SAMD10: variants seen among roughly 807,000 people sequenced by gnomAD.
SAMD10 encodes the protein sterile alpha motif domain-containing protein 10.
In SAMD10, 16 loss-of-function variants were observed where a neutral mutation model predicts 22.5. The ratio of observed to expected loss-of-function variants is 0.71; its 90% CI spans 0.48 to 1.08. The LOEUF is 1.08. SAMD10 is among the 50% of genes least tolerant of loss of function. The pLI, the probability that SAMD10 is intolerant of heterozygous loss-of-function variation, is 0.00. For synonymous variants in SAMD10, 118 were observed against 122.2 expected (o/e 0.97, Z 0.23); for missense variants, 227 against 281.3 (o/e 0.81, Z 1.38).
In SAMD10 at chr20:63,975,183, A is replaced by G. The variant is rs2059012966; in HGVS notation, c.*327T>C. 1.2e-5 allele frequency: 5 copies of G among 432,916 alleles called. No homozygotes were observed. The highest frequency in any genetic ancestry group is 5.4e-5 in the South Asian group (2 of 37,312). 26.8% of individuals were successfully genotyped at this position (432,916 alleles called of 1,614,324 possible). A position where few individuals can be genotyped will look rare whatever the true frequency, so the allele number is the denominator to read the frequency against. On this transcript the variant is annotated 3_prime_UTR_variant, in exon 5 of 5. Coordinates refer to ENST00000369886, the MANE Select transcript of SAMD10 (RefSeq NM_080621.5). ...AATGTAAATAAACAGACTCCCTGGGAGTCTAGGGGGGACATCCAAACCGGT... is the reference window on the plus strand; with the variant it reads ...AATGTAAATAAACAGACTCCCTGGGGGTCTAGGGGGGACATCCAAACCGGT...
rs772408227 is a variant in SAMD10 at position 63,975,516 on chromosome 20, C to T, written c.603G>A (p.Met201Ile). ...GTTCAAGCCTCAGCAGCAGCTAGGA[C>T]ATTTTCCCGAAGGAAGCTGTGTGAT... is the stretch of plus-strand genomic sequence containing the variant. Reference protein sequence around the residue: ...QLLSQASFGKMS With the variant: ...QLLSQASFGKIS The change falls in exon 5 of 5, where the codon ATG (methionine) becomes ATA (isoleucine). Residue 201 changes from methionine to isoleucine, a missense_variant. Coordinates refer to ENST00000369886, the MANE Select transcript of SAMD10 (RefSeq NM_080621.5). 2 of 1,608,420 alleles carry T rather than the reference C, an allele frequency of 1.2e-6. No homozygotes were observed. Among genetic ancestry groups the T allele is most frequent in the Non-Finnish European group, 1.7e-6 (2 of 1,178,328 alleles).
upstream of SAMD10, chr20:63,979,815 G>T (rs2059052168): frequency 2.4e-6 from 1 of 423,296 alleles, no homozygotes; most frequent in African/African-American, 2.1e-5. This position sits in a 1 kb window ranked among gnomAD's most constrained non-coding sequence, Gnocchi z 7.7. Flanking sequence ...TGTGCGTGGG[G>T]GTGGGCTGAG....
intron 3 of SAMD10, 63 bp downstream of exon 3, chr20:63,976,908 T>G (rs550875669): frequency 7.5e-5 from 115 of 1,530,394 alleles, no homozygotes; most frequent in Admixed American, 7.3e-4. Flanking sequence ...AGGCTGAGTG[T>G]GGGGAAGAGA....
At chr20:63,976,311 C>A (rs1451670502) in intron 3 of SAMD10, among the ~76,000 whole-genome samples, 1 of 151,580 alleles carries the variant, frequency 6.6e-6, no homozygotes, top group Non-Finnish European at 1.5e-5. Context: ...AGAGAGGAAG[C>A]GAGGTTCAGA....
Sources: allele counts gnomAD v4.1 joint callset (sites outside exome capture counted in the v4.1 genomes callset), GRCh38; gene constraint gnomAD v4.1.1; non-coding constraint Gnocchi (gnomAD v3.1); transcripts MANE v1.5; gene names NCBI Gene and HGNC (gene_info 2026-07-23, HGNC 2026-07-21).